The following MYH15 variants were observed in gnomAD, a reference collection of about 807,000 sequenced individuals.
MYH15 encodes the protein myosin heavy chain 15.
A neutral mutation model predicts 240.5 loss-of-function variants in MYH15; 227 were observed. That is an observed-to-expected ratio of 0.94 (90% CI 0.85 to 1.05). The LOEUF is 1.05. MYH15 is among the 50% of genes least tolerant of loss of function. The probability of loss-of-function intolerance (pLI) is 0.00; values close to 1 mark genes in which losing one functional copy is unlikely to be tolerated. For missense variants in MYH15, 2,217 were observed against 2,247.5 expected, an observed-to-expected ratio of 0.99 and a Z score of 0.27; for synonymous variants, 785 against 796.7, an observed-to-expected ratio of 0.99 and a Z score of 0.25.
At chr3:108,549,779 C>G in the MYH15 span, 1 of 151,958 alleles carries the variant, frequency 6.6e-6, no homozygotes, top group African/African-American at 2.4e-5. Context: ...TAGGCTGTCT[C>G]AAGATGTCTA....
intron 9 of MYH15, among the ~76,000 whole-genome samples, chr3:108,489,924 A>C (rs1326886202): frequency 6.6e-6 from 1 of 152,072 alleles, no homozygotes; most frequent in Non-Finnish European, 1.5e-5. Context: ...AATCTCAGCA[A>C]CCCCCAAAGA....
chr3:108,469,136 T>G (rs1399385686), intron 14 of MYH15, among the ~76,000 whole-genome samples: 1 of 152,216 alleles, frequency 6.6e-6, no homozygotes, highest in African/African-American at 2.4e-5. Flanking sequence ...TAAAGCCTAA[T>G]AAATGAAATT....
chr3:108,437,605 CT>C lies in MYH15; in HGVS notation c.3169del (p.Ser1057ValfsTer16). 6.2e-7 allele frequency: 1 copy of C among 1,614,120 alleles called. No homozygotes were observed. Among genetic ancestry groups the C allele is most frequent in the South Asian group, 1.1e-5 (1 of 91,062 alleles). The stretch of plus-strand genomic sequence containing the variant: ...CTGGCTGCTTTCCAGGTTCTCCATA[CT>C]TTCCCGATTCAGCTTTAAATTGCCC... ...LEGNLKLNRE[S>X]MENLESSQRH... On this transcript the variant is annotated frameshift_variant, in exon 25 of 41. Coordinates refer to ENST00000693548, the MANE Select transcript of MYH15 (RefSeq NM_014981.3). LOFTEE classifies it high-confidence loss of function.
intron 30 of MYH15, among the ~76,000 whole-genome samples, chr3:108,411,928 G>A (rs924306625): frequency 3.9e-5 from 6 of 152,208 alleles, no homozygotes; most frequent in Non-Finnish European, 7.4e-5. Context: ...CTCTGCCCCC[G>A]GCTTCCTAGC....
chr3:108,440,939 C>A, intron 23 of MYH15, 79 bp downstream of exon 23: 3 of 1,553,182 alleles, frequency 1.9e-6, no homozygotes, highest in Non-Finnish European at 2.6e-6. Context: ...TTGAATAGAG[C>A]AAGTCAGATA....
At chr3:108,530,369 T>C (rs535626914), upstream of MYH15, among the ~76,000 whole-genome samples, 3 of 152,166 alleles carry the variant, frequency 2.0e-5, no homozygotes, top group Non-Finnish European at 2.9e-5. Flanking sequence ...GACAATTGTA[T>C]GACATTCTTG....
the MYH15 span, among the ~76,000 whole-genome samples, chr3:108,545,316 T>C: frequency 6.6e-6 from 1 of 152,106 alleles, no homozygotes; most frequent in East Asian, 1.9e-4. Context: ...ATCTTTACCG[T>C]TCATTTTACT....
chr3:108,460,146 A>C (rs1343891650), intron 17 of MYH15, among the ~76,000 whole-genome samples, 154 bp downstream of exon 17: 4 of 152,188 alleles, frequency 2.6e-5, no homozygotes, highest in Non-Finnish European at 5.9e-5. Flanking sequence ...AGTGTCCTCT[A>C]AAGCCCTTGA....
At chr3:108,532,659 G>T (rs2083719915), upstream of MYH15, among the ~76,000 whole-genome samples, 1 of 151,940 alleles carries the variant, frequency 6.6e-6, no homozygotes, top group Non-Finnish European at 1.5e-5. Flanking sequence ...ACACCCTATT[G>T]GTTCTGTTTC....
At chr3:108,493,896 T>C (rs560907841) in intron 7 of MYH15, among the ~76,000 whole-genome samples, 1 of 152,348 alleles carries the variant, frequency 6.6e-6, no homozygotes, top group East Asian at 1.9e-4. Flanking sequence ...AATTTATGTT[T>C]CATAGCACAC....
At chr3:108,550,349 G>C in the MYH15 span, 1 of 151,358 alleles carries the variant, frequency 6.6e-6, no homozygotes, top group Admixed American at 6.6e-5. Context: ...TGCAGCAAGA[G>C]TAGAATCCAA....
In MYH15 at chr3:108,444,814, C is replaced by A; in HGVS notation, c.2481G>T (p.Lys827Asn). 1 of 1,614,112 alleles carries A rather than the reference C, an allele frequency of 6.2e-7. No homozygotes were observed. Among genetic ancestry groups the A allele is most frequent in the South Asian group, 1.1e-5 (1 of 91,076 alleles). Reference sequence around the variant, plus strand: ...CTGAAGATTTAACAAGAGGCTTGATCTTGAAGAAGAGCCTCATCCAGGGCC... The same window carrying A: ...CTGAAGATTTAACAAGAGGCTTGATATTGAAGAAGAGCCTCATCCAGGGCC... ...KNWPWMRLFFKIKPLVKSSEV... is the reference protein window; with the variant it reads ...KNWPWMRLFFNIKPLVKSSEV... The change falls in exon 22 of 41, where the codon AAG (lysine) becomes AAT (asparagine). Residue 827 changes from lysine to asparagine, a missense_variant. By Grantham distance (94) the Lys-to-Asn change is moderately conservative (BLOSUM62 0). Transcript: ENST00000693548.
chr3:108,520,779 A>G (rs1178107450), intron 1 of MYH15, among the ~76,000 whole-genome samples: 1 of 152,164 alleles, frequency 6.6e-6, no homozygotes, highest in African/African-American at 2.4e-5. Flanking sequence ...AAGGGTCTCA[A>G]CATTTTCCAT....
the MYH15 span, among the ~76,000 whole-genome samples, chr3:108,541,427 G>A: frequency 6.6e-6 from 1 of 151,286 alleles, no homozygotes; most frequent in Admixed American, 6.6e-5. Flanking sequence ...AGTGAAAAAT[G>A]TACTTACTAA....
chr3:108,540,788 A>T, the MYH15 span, among the ~76,000 whole-genome samples: 1 of 152,166 alleles, frequency 6.6e-6, no homozygotes, highest in Non-Finnish European at 1.5e-5. Flanking sequence ...TCTGGATAAG[A>T]GAAATGTTAT....
In MYH15 at chr3:108,508,946, G is replaced by A. The variant is rs140079745; in HGVS notation, c.88+1497C>T. Among the ~76,000 whole-genome samples the A allele has an allele frequency of 4.6e-3, 694 of 152,188 alleles. 3 individuals are homozygous for A. The highest frequency in any genetic ancestry group is 0.015 in the African/African-American group (633 of 41,516). ...AGTCTCATTTGGTCCCCACAGCAAT[G>A]GAGGAAGGCAGACCGGACAAGTATT... On this transcript the variant is annotated intron_variant, in intron 1 of 40. Transcript: ENST00000693548.
Position 108,399,148 on chromosome 3 carries a change from A to C in MYH15, c.4856T>G (p.Leu1619Arg). 6.2e-7 allele frequency: 1 copy of C among 1,614,208 alleles called. No homozygotes were observed. The highest frequency in any genetic ancestry group is 1.1e-5 in the South Asian group (1 of 91,080). The change falls in exon 34 of 41, where the codon CTC (leucine) becomes CGC (arginine). Residue 1619 changes from leucine to arginine, a missense_variant. Physicochemically the swap from Leu to Arg is moderately radical, Grantham distance 102. Transcript: ENST00000693548. Reference protein sequence around the residue: ...KMEEDLNEMELQLSCANRQVS... With the variant: ...KMEEDLNEMERQLSCANRQVS... The stretch of plus-strand genomic sequence containing the variant: ...CTGCCGGTTGGCACAGCTAAGCTGG[A>C]GTTCCATCTCATTGAGGTCCTCTTC...
At chr3:108,429,841 C>T (rs896739255) in intron 26 of MYH15, among the ~76,000 whole-genome samples, 10 of 152,106 alleles carry the variant, frequency 6.6e-5, no homozygotes, top group African/African-American at 2.4e-4. Context: ...TTTCCACATT[C>T]AAGTAACCAT....
chr3:108,381,468 T>C lies in MYH15; in HGVS notation c.*77A>G. On this transcript the variant is annotated 3_prime_UTR_variant, in exon 41 of 41. Coordinates refer to ENST00000693548, the MANE Select transcript of MYH15 (RefSeq NM_014981.3). ...AAACATGTTTTTAAAAATGTTTCCA[T>C]GCAACCTAAGTTTTTGGCCATGAAA... The C allele has an allele frequency of 6.6e-7, 1 of 1,504,328 alleles. No homozygotes were observed. The highest frequency in any genetic ancestry group is 1.4e-5 in the African/African-American group (1 of 72,466). 93.2% of individuals were successfully genotyped at this position (1,504,328 alleles called of 1,614,324 possible).
Sources: gnomAD v4.1 joint callset for allele counts (sites outside exome capture counted in the v4.1 genomes callset) on GRCh38, gnomAD v4.1.1 for gene constraint, MANE v1.5 for transcripts, NCBI Gene and HGNC (gene_info 2026-07-23, HGNC 2026-07-21) for gene names.